SLC25A48: variants seen among roughly 807,000 people sequenced by gnomAD.
SLC25A48 encodes the protein solute carrier family 25 member 48, also known as CTC-321K16.1.
Under a neutral mutation model 32.2 loss-of-function variants are expected in SLC25A48, and 29 were observed. That is an observed-to-expected ratio of 0.90 (90% CI 0.67 to 1.23). The LOEUF (loss-of-function observed/expected upper bound fraction) is 1.23, where lower values mean the gene tolerates loss of function less well. SLC25A48 is among the 50% of genes most tolerant of loss of function. SLC25A48 has a pLI of 0.00. For missense variants in SLC25A48, 399 were observed against 422.7 expected (o/e 0.94, Z 0.49); for synonymous variants, 164 against 172.3 (o/e 0.95, Z 0.38).
At chr5:135,590,526 T>G (rs373109479) in intron 1 of SLC25A48, among the ~76,000 whole-genome samples, 1 of 152,102 alleles carries the variant, frequency 6.6e-6, no homozygotes, top group Non-Finnish European at 1.5e-5. Context: ...TTTATTTGTG[T>G]GGGTTTTTTT....
intron 6 of SLC25A48, among the ~76,000 whole-genome samples, chr5:135,878,531 T>G (rs1178011329): frequency 6.6e-6 from 1 of 152,164 alleles, no homozygotes; most frequent in African/African-American, 2.4e-5. Context: ...GGGATCCTTG[T>G]CCATCAGCCC....
chr5:135,782,411 C>T lies in SLC25A48; in HGVS notation c.-520-30112C>T, dbSNP rs145004632. On this transcript the variant is annotated intron_variant, in intron 3 of 10. Coordinates refer to the SLC25A48 transcript ENST00000646290. ...GATGATATCACCCCCAATACCGCAG[C>T]AGGTGCACATCGCTTCTGTGATATT... is the stretch of plus-strand genomic sequence containing the variant. 2.8e-3 allele frequency among the ~76,000 whole-genome samples: 333 copies of T among 117,338 alleles called. 45 individuals are homozygous for T. Among genetic ancestry groups the T allele is most frequent in the African/African-American group, 7.9e-3 (305 of 38,632 alleles). The allele number at this position is 117,338 out of a possible 152,430, so 77.0% of individuals were successfully genotyped here. A position where few individuals can be genotyped will look rare whatever the true frequency, so the allele number is the denominator to read the frequency against.
intron 7 of SLC25A48, among the ~76,000 whole-genome samples, chr5:135,880,954 C>T (rs1171786935): frequency 6.6e-6 from 1 of 151,982 alleles, no homozygotes; most frequent in Non-Finnish European, 1.5e-5. Flanking sequence ...CCCACCCACA[C>T]TGCATCCTAA....
At chr5:135,601,593 C>T (rs1488997600) in intron 1 of SLC25A48, among the ~76,000 whole-genome samples, 2 of 152,154 alleles carry the variant, frequency 1.3e-5, no homozygotes, top group Non-Finnish European at 2.9e-5. Context: ...GAAGAAACTC[C>T]CTTTCCTCCC....
chr5:135,771,584 T>A (rs2126609590), intron 3 of SLC25A48, among the ~76,000 whole-genome samples: 1 of 151,470 alleles, frequency 6.6e-6, no homozygotes, highest in East Asian at 1.9e-4. Context: ...TCCTAATATC[T>A]AGGGGGGAAG....
At chr5:135,883,202 C>T (rs79387372) in intron 7 of SLC25A48, 19,327 of 985,472 alleles carry the variant, frequency 0.02, 197 homozygotes, top group Non-Finnish European at 0.022. Flanking sequence ...TTCACAATTA[C>T]AAGCATTCTC....
At chr5:135,747,930 G>A (rs1381631265) in intron 3 of SLC25A48, among the ~76,000 whole-genome samples, 1 of 152,172 alleles carries the variant, frequency 6.6e-6, no homozygotes, top group East Asian at 1.9e-4. Context: ...GGTGGCAGGG[G>A]AACCATGGTG....
At chr5:135,856,207 G>A (rs1052116600) in intron 4 of SLC25A48, among the ~76,000 whole-genome samples, 2 of 152,150 alleles carry the variant, frequency 1.3e-5, no homozygotes, top group Non-Finnish European at 2.9e-5. Flanking sequence ...CCTTTTCTGT[G>A]TAATGGAAAG....
At chr5:135,686,148 C>T (rs563480606) in intron 3 of SLC25A48, among the ~76,000 whole-genome samples, 1 of 152,206 alleles carries the variant, frequency 6.6e-6, no homozygotes, top group South Asian at 2.1e-4. Flanking sequence ...TTAACCATCT[C>T]ATCTTGGACA....
At chr5:135,723,279 C>T (rs1044286810) in intron 3 of SLC25A48, among the ~76,000 whole-genome samples, 6 of 152,066 alleles carry the variant, frequency 3.9e-5, no homozygotes, top group Non-Finnish European at 7.4e-5. Flanking sequence ...ATTCTTTCAG[C>T]TACTAGAAAT....
chr5:135,658,104 C>T (rs1753299312), intron 3 of SLC25A48, among the ~76,000 whole-genome samples: 1 of 152,170 alleles, frequency 6.6e-6, no homozygotes, highest in Non-Finnish European at 1.5e-5. Context: ...AAAGTCTTAA[C>T]TCATTAACTC....
chr5:135,692,861 G>T (rs1035489888), intron 3 of SLC25A48, among the ~76,000 whole-genome samples: 41 of 152,138 alleles, frequency 2.7e-4, no homozygotes, highest in African/African-American at 7.0e-4. Flanking sequence ...AATGGAGCTG[G>T]ATTTGATCCT....
At position 135,712,759 on chromosome 5, in the gene SLC25A48, G is replaced by T. The variant is rs76690169; in HGVS notation, c.-521+77803G>T. On this transcript the variant is annotated intron_variant, in intron 3 of 10. Transcript: ENST00000646290. ...ACCGCATCTGCCCCTTGCACTTGGGGCAAACCTGCCCTTCCACAAAGCATT... is the reference window on the plus strand; with the variant it reads ...ACCGCATCTGCCCCTTGCACTTGGGTCAAACCTGCCCTTCCACAAAGCATT... 9.4e-3 allele frequency among the ~76,000 whole-genome samples: 1,439 copies of T among 152,300 alleles called. 10 individuals carry two copies. Among genetic ancestry groups the T allele is most frequent in the South Asian group, 0.023 (109 of 4,822 alleles).
Position 135,725,609 on chromosome 5 carries a change from T to G in SLC25A48, c.-520-86914T>G, listed in dbSNP as rs965222924. ...AAGTTACCTGTTTGGGCTGTATTCC[T>G]CCTTTGCCTCTATAGTCATTACTGT... On this transcript the variant is annotated intron_variant, in intron 3 of 10. Coordinates refer to the SLC25A48 transcript ENST00000646290. 2.6e-5 allele frequency among the ~76,000 whole-genome samples: 4 copies of G among 152,224 alleles called. 1 individual carries two copies. Among genetic ancestry groups the G allele is most frequent in the Non-Finnish European group, 5.9e-5 (4 of 68,044 alleles).
intron 3 of SLC25A48, among the ~76,000 whole-genome samples, chr5:135,766,538 C>T (rs900416677): frequency 2.7e-5 from 4 of 150,800 alleles, no homozygotes; most frequent in African/African-American, 9.8e-5. Flanking sequence ...GGGGTGTACA[C>T]ACCCCTGTTA....
At chr5:135,757,406 AAC>A (rs1755941289) in intron 3 of SLC25A48, among the ~76,000 whole-genome samples, 1 of 149,550 alleles carries the variant, frequency 6.7e-6, no homozygotes, top group Admixed American at 6.7e-5. Flanking sequence ...GTCTACTGTT[AAC>A]ACACTATGAT....
At chr5:135,874,437 A>T (rs1438978914) in intron 6 of SLC25A48, among the ~76,000 whole-genome samples, 1 of 152,146 alleles carries the variant, frequency 6.6e-6, no homozygotes, top group Admixed American at 6.5e-5. Context: ...GGCCTGGTCC[A>T]TTTCTGTCTG....
At chr5:135,776,932 G>C (rs1229030561) in intron 3 of SLC25A48, among the ~76,000 whole-genome samples, 1 of 151,786 alleles carries the variant, frequency 6.6e-6, no homozygotes, top group African/African-American at 2.4e-5. Flanking sequence ...GGCTGCACAG[G>C]CTCCCTGTGA....
intron 1 of SLC25A48, among the ~76,000 whole-genome samples, chr5:135,626,026 A>G (rs955783472): frequency 9.2e-5 from 14 of 152,236 alleles, no homozygotes; most frequent in African/African-American, 3.1e-4. Context: ...CCAAAAGTCA[A>G]CAGCAGGCCC....
Sources: gnomAD v4.1 joint callset for allele counts (sites outside exome capture counted in the v4.1 genomes callset) on GRCh38, gnomAD v4.1.1 for gene constraint, MANE v1.5 for transcripts, NCBI Gene and HGNC (gene_info 2026-07-23, HGNC 2026-07-21) for gene names.